Variants in TRPC5 observed in about 807,000 individuals in gnomAD.
TRPC5 encodes the protein short transient receptor potential channel 5.
A neutral mutation model predicts 56.5 loss-of-function variants in TRPC5; 9 were observed. The ratio of observed to expected loss-of-function variants is 0.16; its 90% CI spans 0.10 to 0.28. The LOEUF (loss-of-function observed/expected upper bound fraction) is 0.28, where lower values mean the gene tolerates loss of function less well. TRPC5 is among the 10% of genes least tolerant of loss of function. TRPC5 has a pLI of 1.00. For synonymous variants in TRPC5, 282 were observed against 278.5 expected (o/e 1.01, Z -0.13); for missense variants, 469 against 748.9 (o/e 0.63, Z 4.36).
chrX:112,078,542 C>A (rs887244298), intron 1 of TRPC5, among the ~76,000 whole-genome samples: 1 of 111,508 alleles, frequency 9.0e-6, no homozygotes, highest in Non-Finnish European at 1.9e-5. Context: ...CCAAGATCCC[C>A]GCTTGTTTCT....
In TRPC5 at chrX:111,776,205, CCTTT is replaced by C. The variant is rs1366594286; in HGVS notation, c.*104_*107del. On this transcript the variant is annotated 3_prime_UTR_variant, in exon 11 of 11. Coordinates refer to ENST00000262839, the MANE Select transcript of TRPC5 (RefSeq NM_012471.3). ...ATGGTGCAAATAAGAGTTTCACTCT[CCTTT>C]CTGGGGGGCAGGGGCAGTGAGGGAA... 1 of 775,884 alleles carries C rather than the reference CCTTT, an allele frequency of 1.3e-6. No individual in the cohort carries two copies. The highest frequency in any genetic ancestry group is 1.8e-6 in the Non-Finnish European group (1 of 554,949). 63.9% of individuals were successfully genotyped at this position (775,884 alleles called of 1,213,427 possible).
intron 3 of TRPC5, chrX:111,902,078 A>G (rs1241867507): frequency 1.7e-6 from 2 of 1,154,800 alleles, no homozygotes; most frequent in Non-Finnish European, 2.3e-6. Flanking sequence ...ACTTACACCA[A>G]GAGAGGATGA....
At chrX:111,983,227 T>C (rs1928126891) in intron 1 of TRPC5, among the ~76,000 whole-genome samples, 2 of 111,802 alleles carry the variant, frequency 1.8e-5, no homozygotes, top group African/African-American at 6.5e-5. Context: ...CCTGCTGCTA[T>C]CAGATTGGGC....
chrX:111,902,164 T>G, intron 3 of TRPC5: 1 of 1,138,663 alleles, frequency 8.8e-7, no homozygotes, highest in Non-Finnish European at 1.2e-6. Context: ...CTGGTATAAA[T>G]GATGACTTAA....
chrX:111,844,494 C>T (rs1157380599), intron 6 of TRPC5, among the ~76,000 whole-genome samples: 36 of 88,768 alleles, frequency 4.1e-4, no homozygotes, highest in African/African-American at 1.5e-3. Context: ...GAGTTTTGCT[C>T]TTGTTGCCCA....
intron 1 of TRPC5, among the ~76,000 whole-genome samples, chrX:111,990,223 G>A (rs577484766): frequency 1.6e-4 from 18 of 111,002 alleles, no homozygotes; most frequent in African/African-American, 5.9e-4. Flanking sequence ...TTCGAGACCA[G>A]CCTGACCAAC....
At chrX:111,837,176 C>T (rs1281954586) in intron 6 of TRPC5, among the ~76,000 whole-genome samples, 1 of 111,954 alleles carries the variant, frequency 8.9e-6, no homozygotes, top group African/African-American at 3.2e-5. Flanking sequence ...AAGAACCAGA[C>T]AATATGGCAA....
intron 5 of TRPC5, among the ~76,000 whole-genome samples, chrX:111,850,649 G>A (rs1349269822): frequency 8.9e-6 from 1 of 111,760 alleles, no homozygotes; most frequent in Non-Finnish European, 1.9e-5. Flanking sequence ...CTTGGCAAAG[G>A]TCTCCTTTGA....
intron 1 of TRPC5, among the ~76,000 whole-genome samples, chrX:112,041,826 A>G (rs1252870381): frequency 1.8e-5 from 2 of 111,843 alleles, no homozygotes; most frequent in Non-Finnish European, 3.8e-5. Context: ...TTTTTTCCAC[A>G]GGTAATATTG....
At chrX:111,848,112 G>A (rs1022166383) in intron 5 of TRPC5, among the ~76,000 whole-genome samples, 2 of 111,666 alleles carry the variant, frequency 1.8e-5, no homozygotes, top group African/African-American at 3.3e-5. Flanking sequence ...ATACAGTGGT[G>A]TATGGTTGTA....
At position 111,905,641 on chromosome X, in the gene TRPC5, G is replaced by A. The variant is rs755825372; in HGVS notation, c.900+6650C>T. ...AGAAAAATGCTGAAGGCGGCCGGAC[G>A]CGGTGGCTCACGCCTGTAATCCCAG... On this transcript the variant is annotated intron_variant, in intron 3 of 10. Coordinates refer to ENST00000262839, the MANE Select transcript of TRPC5 (RefSeq NM_012471.3). Among the ~76,000 whole-genome samples, 5 of 111,918 alleles carry A rather than the reference G, an allele frequency of 4.5e-5. No individual in the cohort carries two copies. In the South Asian group the frequency reaches 1.5e-3, roughly 33 times the overall value.
At chrX:111,985,009 G>C (rs562414000) in intron 1 of TRPC5, among the ~76,000 whole-genome samples, 9 of 112,368 alleles carry the variant, frequency 8.0e-5, no homozygotes, top group African/African-American at 2.9e-4. Flanking sequence ...CTTCTGCATA[G>C]GCCAAATGGG....
At chrX:111,969,886 A>G (rs973633570) in intron 1 of TRPC5, among the ~76,000 whole-genome samples, 4 of 111,039 alleles carry the variant, frequency 3.6e-5, no homozygotes, top group Non-Finnish European at 7.5e-5. Flanking sequence ...AGAAAGCTGT[A>G]TGTTATATGG....
At chrX:111,959,722 T>G (rs1927324718) in intron 1 of TRPC5, among the ~76,000 whole-genome samples, 1 of 111,532 alleles carries the variant, frequency 9.0e-6, no homozygotes, top group African/African-American at 3.3e-5. Flanking sequence ...TGGGAATCAT[T>G]GCATATTGAT....
At chrX:111,852,823 A>G (rs1189998259) in intron 4 of TRPC5, among the ~76,000 whole-genome samples, 1 of 111,889 alleles carries the variant, frequency 8.9e-6, no homozygotes, top group Non-Finnish European at 1.9e-5. Context: ...CACTGGGTTC[A>G]GGAAAGAGAA....
At chrX:111,897,078 A>G (rs191600040) in intron 3 of TRPC5, among the ~76,000 whole-genome samples, 1 of 112,230 alleles carries the variant, frequency 8.9e-6, no homozygotes, top group African/African-American at 3.2e-5. Context: ...AATTACATTC[A>G]GGCTATGTGT....
chrX:111,946,138 AG>A (rs1218437614), intron 2 of TRPC5, among the ~76,000 whole-genome samples: 1 of 112,216 alleles, frequency 8.9e-6, no homozygotes, highest in Non-Finnish European at 1.9e-5. Context: ...GAGAGAAGAA[AG>A]GGAGGAGAAG....
At chrX:111,797,274 A>G (rs138339746) in intron 7 of TRPC5, among the ~76,000 whole-genome samples, 1,871 of 112,274 alleles carry the variant, frequency 0.017, 14 homozygotes, top group Non-Finnish European at 0.027. Context: ...CTAAACCTGT[A>G]TGTGAAATAT....
At chrX:111,926,549 A>G (rs1447631198) in intron 2 of TRPC5, among the ~76,000 whole-genome samples, 1 of 111,999 alleles carries the variant, frequency 8.9e-6, no homozygotes, top group Non-Finnish European at 1.9e-5. Context: ...TAGAAGCTTG[A>G]TAATCACTGT....
Sources: gnomAD v4.1 joint callset for allele counts (sites outside exome capture counted in the v4.1 genomes callset) on GRCh38, gnomAD v4.1.1 for gene constraint, MANE v1.5 for transcripts, NCBI Gene and HGNC (gene_info 2026-07-23, HGNC 2026-07-21) for gene names.